The following TENT4B variants were observed in gnomAD, a reference collection of about 807,000 sequenced individuals.
TENT4B encodes the protein terminal nucleotidyltransferase 4B, also known as PAP associated domain containing 5.
Under a neutral mutation model 75.0 loss-of-function variants are expected in TENT4B, and 10 were observed. The observed-to-expected ratio is 0.13, with a 90% CI of 0.08 to 0.23. TENT4B has a LOEUF of 0.23. Among genes scored for constraint, TENT4B ranks in the 10% least tolerant of loss-of-function variants. TENT4B has a pLI of 1.00. For missense variants in TENT4B, 579 were observed against 893.8 expected, an observed-to-expected ratio of 0.65 and a Z score of 4.49; for synonymous variants, 350 against 357.7, an observed-to-expected ratio of 0.98 and a Z score of 0.24.
intron 3 of TENT4B, among the ~76,000 whole-genome samples, chr16:50,214,475 G>GTA (rs1199678919): frequency 2.0e-5 from 3 of 152,222 alleles, no homozygotes; most frequent in South Asian, 2.1e-4. Context: ...GGCCAACATG[G>GTA]TAAAACCCCA....
At chr16:50,212,082 ATGGGGTCTCACTCTGTTGCTGAGGC>A (rs1342914325) in intron 2 of TENT4B, among the ~76,000 whole-genome samples, 34 of 151,874 alleles carry the variant, frequency 2.2e-4, no homozygotes, top group Non-Finnish European at 8.8e-5. Flanking sequence ...TGTTTTTGAG[ATGGGGTCTCACTCTGTTGCTGAGGC>A]TGGAGTGCAA....
intron 1 of TENT4B, among the ~76,000 whole-genome samples, chr16:50,157,112 G>T (rs2037916139): frequency 6.6e-6 from 1 of 152,200 alleles, no homozygotes; most frequent in Non-Finnish European, 1.5e-5. Flanking sequence ...AGATGTGACT[G>T]ATAGTTAGCT....
intron 1 of TENT4B, among the ~76,000 whole-genome samples, chr16:50,197,591 G>A (rs1405640910): frequency 6.6e-6 from 1 of 152,086 alleles, no homozygotes; most frequent in African/African-American, 2.4e-5. Context: ...GCCATTTAAT[G>A]GTTTAATTGA....
At chr16:50,194,976 C>G (rs1193673485) in intron 1 of TENT4B, among the ~76,000 whole-genome samples, 1 of 151,916 alleles carries the variant, frequency 6.6e-6, no homozygotes, top group South Asian at 2.1e-4. Flanking sequence ...GTCTCGATCT[C>G]CTGACCTTGT....
At chr16:50,209,880 T>C (rs145456791) in intron 1 of TENT4B, among the ~76,000 whole-genome samples, 19 of 152,358 alleles carry the variant, frequency 1.2e-4, no homozygotes, top group African/African-American at 4.1e-4. Flanking sequence ...TTATAGTCTT[T>C]GGGGATTGGG....
At chr16:50,218,326 T>G (rs1014595821) in intron 5 of TENT4B, among the ~76,000 whole-genome samples, 15 of 151,946 alleles carry the variant, frequency 9.9e-5, no homozygotes, top group African/African-American at 3.1e-4. Context: ...GTGCGGGCAG[T>G]GAGCTGCACT....
intron 1 of TENT4B, among the ~76,000 whole-genome samples, chr16:50,169,816 G>A (rs1329592589): frequency 1.3e-5 from 2 of 152,138 alleles, no homozygotes; most frequent in Non-Finnish European, 2.9e-5. Flanking sequence ...TCCCTGTAGT[G>A]AACTCTACTG....
At chr16:50,164,396 G>A (rs1292964910) in intron 1 of TENT4B, among the ~76,000 whole-genome samples, 1 of 151,860 alleles carries the variant, frequency 6.6e-6, no homozygotes, top group East Asian at 2.0e-4. Flanking sequence ...TGCAAGCCCC[G>A]CCACCCAAGT....
intron 1 of TENT4B, among the ~76,000 whole-genome samples, chr16:50,180,327 A>G (rs894946258): frequency 4.6e-5 from 7 of 151,948 alleles, no homozygotes; most frequent in Non-Finnish European, 4.4e-5. Context: ...TTGGTCTCGA[A>G]CTCCTAACCT....
In TENT4B at chr16:50,229,527, G is replaced by C; in HGVS notation, c.*199G>C. 8.1e-7 allele frequency: 1 copy of C among 1,240,860 alleles called. No individual in the cohort carries two copies. The highest frequency in any genetic ancestry group is 1.0e-6 in the Non-Finnish European group (1 of 994,526). The allele number at this position is 1,240,860 out of a possible 1,614,324, so 76.9% of individuals were successfully genotyped here. ...AAAACAAAACAAAACAAAAAAAAAAGCAAGCAAAAAAGAGGGAAAAAAAAG... is the reference window on the plus strand; with the variant it reads ...AAAACAAAACAAAACAAAAAAAAAACCAAGCAAAAAAGAGGGAAAAAAAAG... On this transcript the variant is annotated 3_prime_UTR_variant, in exon 12 of 12. Transcript: ENST00000561678.
At chr16:50,204,202 T>G (rs776904925) in intron 1 of TENT4B, among the ~76,000 whole-genome samples, 2 of 152,102 alleles carry the variant, frequency 1.3e-5, no homozygotes, top group Non-Finnish European at 2.9e-5. Context: ...AGGCTCATAG[T>G]AGGGAGACCA....
chr16:50,192,773 C>T (rs1567495247), intron 1 of TENT4B, among the ~76,000 whole-genome samples: 1 of 151,896 alleles, frequency 6.6e-6, no homozygotes, highest in Admixed American at 6.6e-5. Flanking sequence ...CTTCTTTTGA[C>T]TTCTTTTCAA....
At chr16:50,181,493 C>G (rs1240541467) in intron 1 of TENT4B, among the ~76,000 whole-genome samples, 1 of 137,432 alleles carries the variant, frequency 7.3e-6, no homozygotes, top group African/African-American at 2.7e-5. Context: ...TTTATAGAGA[C>G]AGAGTTTCAC....
intron 5 of TENT4B, among the ~76,000 whole-genome samples, chr16:50,218,499 AC>A (rs1273835792): frequency 6.6e-6 from 1 of 151,890 alleles, no homozygotes; most frequent in African/African-American, 2.4e-5. Context: ...AGTACCAGGC[AC>A]CTGCCACCAT....
At chr16:50,187,358 G>GCA (rs1443333055) in intron 1 of TENT4B, among the ~76,000 whole-genome samples, 4 of 152,176 alleles carry the variant, frequency 2.6e-5, no homozygotes, top group African/African-American at 9.7e-5. Flanking sequence ...CGAGGCGGAT[G>GCA]GATCACCTGA....
chr16:50,220,700 T>C (rs1479998835), intron 5 of TENT4B, among the ~76,000 whole-genome samples: 1 of 152,058 alleles, frequency 6.6e-6, no homozygotes, highest in Non-Finnish European at 1.5e-5. Context: ...GGCTAATTTT[T>C]GTATTTTTAG....
intron 1 of TENT4B, among the ~76,000 whole-genome samples, chr16:50,187,778 A>G (rs112194012): frequency 5.3e-5 from 8 of 151,782 alleles, no homozygotes; most frequent in African/African-American, 1.9e-4. Flanking sequence ...TAATTGCAGC[A>G]CTTTGAGAGG....
intron 10 of TENT4B, 149 bp downstream of exon 10, chr16:50,225,434 C>A: frequency 1.2e-6 from 1 of 868,682 alleles, no homozygotes; most frequent in Non-Finnish European, 1.7e-6. Context: ...ATTTTCTCAA[C>A]ATTTTGTTAT....
rs541086478 is a variant in TENT4B, at chr16:50,229,243, A to C, written c.2057A>C (p.His686Pro). 6.2e-7 allele frequency: 1 copy of C among 1,614,046 alleles called. No homozygotes were observed. Among genetic ancestry groups the C allele is most frequent in the East Asian group, 2.2e-5 (1 of 44,896 alleles). Reference sequence around the variant, plus strand: ...GGTTCCTTGATGACAAACAAACAACATCAAGGCAAATCCAATAATCAGTAT... The same window carrying C: ...GGTTCCTTGATGACAAACAAACAACCTCAAGGCAAATCCAATAATCAGTAT... ...SHGSLMTNKQHQGKSNNQYYH... is the reference protein window; with the variant it reads ...SHGSLMTNKQPQGKSNNQYYH... The change falls in exon 12 of 12, where the codon CAT (histidine) becomes CCT (proline). Residue 686 changes from histidine (H) to proline (P), a missense_variant. Physicochemically the swap from His to Pro is moderately conservative, Grantham distance 77. Transcript: ENST00000561678.
Sources: allele counts gnomAD v4.1 joint callset (sites outside exome capture counted in the v4.1 genomes callset), GRCh38; gene constraint gnomAD v4.1.1; transcripts MANE v1.5; gene names NCBI Gene and HGNC (gene_info 2026-07-23, HGNC 2026-07-21).